Variants in AFF2 observed in about 807,000 individuals in gnomAD.
The protein encoded by AFF2 is AF4/FMR2 family member 2.
Under a neutral mutation model 76.9 loss-of-function variants are expected in AFF2, and 14 were observed. That is an observed-to-expected ratio of 0.18 (90% CI 0.12 to 0.28). AFF2 has a LOEUF of 0.28. Ranked by LOEUF, AFF2 falls within the 10% of genes least tolerant of loss-of-function variation. The pLI is 1.00. For missense variants in AFF2, 868 were observed against 1,001.1 expected, an observed-to-expected ratio of 0.87 and a Z score of 1.79; for synonymous variants, 398 against 366.7, an observed-to-expected ratio of 1.09 and a Z score of -0.98.
chrX:148,984,300 G>A (rs1475552494), intron 19 of AFF2, among the ~76,000 whole-genome samples: 1 of 111,528 alleles, frequency 9.0e-6, no homozygotes, highest in Non-Finnish European at 1.9e-5. Context: ...TGGTGGGTTG[G>A]ACCAGGGTGG....
chrX:148,809,763 G>A (rs2070180427), intron 3 of AFF2, 113 bp from the exon 4 acceptor site: 2 of 766,387 alleles, frequency 2.6e-6, no homozygotes, highest in Admixed American at 6.4e-5. Context: ...GTATTTAATA[G>A]GAAAAAAATG....
At chrX:148,966,387 G>A (rs1205376495) in intron 13 of AFF2, among the ~76,000 whole-genome samples, 1 of 110,503 alleles carries the variant, frequency 9.0e-6, no homozygotes, top group African/African-American at 3.3e-5. Context: ...CGGGGTCAAG[G>A]GATTTATTTA....
At chrX:148,729,506 G>A (rs1190686247) in intron 3 of AFF2, among the ~76,000 whole-genome samples, 11 of 111,645 alleles carry the variant, frequency 9.9e-5, no homozygotes, top group Non-Finnish European at 1.9e-4. Context: ...GTTTAGATTT[G>A]TGAGAGGGAG....
intron 1 of AFF2, among the ~76,000 whole-genome samples, chrX:148,524,779 A>G (rs1241103951): frequency 8.9e-6 from 1 of 112,235 alleles, no homozygotes; most frequent in East Asian, 2.8e-4. Flanking sequence ...AGCAGGCAGT[A>G]GGCGGCATGT....
At chrX:148,567,958 A>G (rs2053186822) in intron 1 of AFF2, among the ~76,000 whole-genome samples, 1 of 111,102 alleles carries the variant, frequency 9.0e-6, no homozygotes, top group South Asian at 3.8e-4. Flanking sequence ...AGTCTCCAGC[A>G]TACTGGAGAG....
At position 148,956,452 on chromosome X, in the gene AFF2, G is replaced by A; in HGVS notation, c.2407G>A (p.Val803Met). The change falls in exon 11 of 21, where the codon GTG (valine) becomes ATG (methionine). Residue 803 changes from valine (V) to methionine (M), a missense_variant. Around this residue, in one of 6 missense-constraint regions of AFF2, gnomAD observed 532 missense variants for 564.2 expected, o/e 0.94. Transcript: ENST00000370460. ...TCATGAGAACCTGAAAAACCTCTGG[G>A]TGAAGATTGACCTTGACTTACTCTC... ...RDHENLKNLW[V>M]KIDLDLLSRV... 8.3e-7 allele frequency: 1 copy of A among 1,211,739 alleles called. No homozygotes were observed. Among genetic ancestry groups the A allele is most frequent in the Non-Finnish European group, 1.1e-6 (1 of 895,537 alleles).
At chrX:148,665,384 A>G (rs2054347867) in intron 3 of AFF2, among the ~76,000 whole-genome samples, 1 of 111,958 alleles carries the variant, frequency 8.9e-6, no homozygotes, top group Non-Finnish European at 1.9e-5. Flanking sequence ...AGAGCTCTGT[A>G]TGAAAAATGG....
Position 148,998,027 on chromosome X carries a change from G to A in AFF2, c.*6695G>A, listed in dbSNP as rs2072626432. Reference sequence around the variant, plus strand: ...TGTTTCTACTCCTATTCTGAGTAGTGCTTCTGAAGATTGTTTGCTGTAGTG... The same window carrying A: ...TGTTTCTACTCCTATTCTGAGTAGTACTTCTGAAGATTGTTTGCTGTAGTG... On this transcript the variant is annotated 3_prime_UTR_variant, in exon 21 of 21. Coordinates refer to ENST00000370460, the MANE Select transcript of AFF2 (RefSeq NM_002025.4). The A allele has an allele frequency of 1.8e-5, 2 of 112,348 alleles. No individual in the cohort carries two copies. Among genetic ancestry groups the A allele is most frequent in the African/African-American group, 3.2e-5 (1 of 30,926 alleles). The allele number at this position is 112,348 out of a possible 1,213,427, so 9.3% of individuals were successfully genotyped here.
intron 1 of AFF2, among the ~76,000 whole-genome samples, chrX:148,581,228 G>GTATACGTGTACACACA (rs2053375840): frequency 2.0e-4 from 4 of 20,451 alleles, no homozygotes; most frequent in African/African-American, 5.9e-4. Flanking sequence ...TATAATATAC[G>GTATACGTGTACACACA]TATACGTATA....
chrX:148,688,586 T>G, intron 3 of AFF2, among the ~76,000 whole-genome samples: 1 of 111,315 alleles, frequency 9.0e-6, no homozygotes, highest in East Asian at 2.8e-4. Context: ...TTGTATCCCT[T>G]GTACCTAGCA....
intron 4 of AFF2, among the ~76,000 whole-genome samples, chrX:148,812,208 G>T (rs1557271848): frequency 9.0e-6 from 1 of 111,511 alleles, no homozygotes; most frequent in African/African-American, 3.3e-5. Context: ...TGGTTTGAGG[G>T]CCTTAGAGGC....
chrX:148,934,816 C>CCAT (rs1557284827), intron 9 of AFF2, among the ~76,000 whole-genome samples: 1 of 104,125 alleles, frequency 9.6e-6, no homozygotes, highest in Non-Finnish European at 1.9e-5. Flanking sequence ...ATCACCATCA[C>CCAT]CATCATCATC....
chrX:148,694,858 C>T (rs2054697015), intron 3 of AFF2, among the ~76,000 whole-genome samples: 1 of 95,771 alleles, frequency 1.0e-5, no homozygotes, highest in South Asian at 5.4e-4. Flanking sequence ...CTCTGTCGCC[C>T]AGGCTGGAGT....
chrX:148,899,258 A>G (rs1290890688), intron 8 of AFF2, among the ~76,000 whole-genome samples: 2 of 112,062 alleles, frequency 1.8e-5, no homozygotes, highest in Admixed American at 1.9e-4. Context: ...TAAATGCTGT[A>G]ATTAAGCGAT....
chrX:148,504,515 A>G (rs1385739460), intron 1 of AFF2, among the ~76,000 whole-genome samples: 1 of 112,823 alleles, frequency 8.9e-6, no homozygotes, highest in African/African-American at 3.2e-5. Flanking sequence ...GCCTAATTAG[A>G]GGCAAGCTTG....
intron 3 of AFF2, among the ~76,000 whole-genome samples, chrX:148,686,951 A>G (rs1207024412): frequency 1.8e-5 from 2 of 111,828 alleles, no homozygotes; most frequent in Non-Finnish European, 3.8e-5. Context: ...AATAATATAT[A>G]TATTTAAGAT....
intron 9 of AFF2, among the ~76,000 whole-genome samples, chrX:148,932,192 T>C (rs1414131234): frequency 8.9e-6 from 1 of 112,281 alleles, no homozygotes; most frequent in Non-Finnish European, 1.9e-5. Flanking sequence ...GGATGAATCA[T>C]GGAACTGAAG....
Position 148,991,633 on chromosome X carries a change from C to T in AFF2, c.*301C>T. On this transcript the variant is annotated 3_prime_UTR_variant, in exon 21 of 21. Coordinates refer to ENST00000370460, the MANE Select transcript of AFF2 (RefSeq NM_002025.4). ...TCCCTACAATATTGTTTTAAGCCCA[C>T]ACTACCCAAAACAAAGAATGGGAAG... 6.2e-6 allele frequency: 1 copy of T among 161,107 alleles called. No homozygotes were observed. 13.3% of individuals were successfully genotyped at this position (161,107 alleles called of 1,213,427 possible).
At chrX:148,755,825 A>G (rs1472999798) in intron 3 of AFF2, among the ~76,000 whole-genome samples, 1 of 111,642 alleles carries the variant, frequency 9.0e-6, no homozygotes, top group Non-Finnish European at 1.9e-5. Context: ...ACACCCAAAT[A>G]TCTTCCCTGA....
Sources: allele counts gnomAD v4.1 joint callset (sites outside exome capture counted in the v4.1 genomes callset), GRCh38; gene constraint gnomAD v4.1.1; regional missense constraint gnomAD v4.1.1; transcripts MANE v1.5; gene names NCBI Gene and HGNC (gene_info 2026-07-23, HGNC 2026-07-21).